Variants in SLC4A8 observed in about 807,000 individuals in gnomAD.
SLC4A8 encodes solute carrier family 4 member 8.
In SLC4A8, 40 loss-of-function variants were observed where a neutral mutation model predicts 125.0. The observed-to-expected ratio is 0.32, with a 90% CI of 0.25 to 0.42. The LOEUF is 0.42. SLC4A8 is among the 10% of genes least tolerant of loss of function. SLC4A8 has a pLI of 1.00. For missense variants in SLC4A8, 863 were observed against 1,355.1 expected, an observed-to-expected ratio of 0.64 and a Z score of 5.70; for synonymous variants, 456 against 476.0, an observed-to-expected ratio of 0.96 and a Z score of 0.55.
intron 22 of SLC4A8, 92 bp downstream of exon 22, chr12:51,497,216 G>T: frequency 8.2e-6 from 11 of 1,340,130 alleles, no homozygotes; most frequent in Non-Finnish European, 9.2e-6. Context: ...CTGGAATCCC[G>T]AGGGTTATAT....
intron 1 of SLC4A8, among the ~76,000 whole-genome samples, chr12:51,398,517 G>C (rs1014583304): frequency 6.6e-6 from 1 of 152,156 alleles, no homozygotes; most frequent in Non-Finnish European, 1.5e-5. Flanking sequence ...AGATTTTGCT[G>C]TGAGAGCTTT....
At chr12:51,487,145 G>A (rs937166252) in intron 17 of SLC4A8, among the ~76,000 whole-genome samples, 1 of 152,182 alleles carries the variant, frequency 6.6e-6, no homozygotes, top group African/African-American at 2.4e-5. Context: ...GGACAGGGGA[G>A]AAAGGGAAAC....
chr12:51,400,549 C>T (rs923185793), intron 1 of SLC4A8, among the ~76,000 whole-genome samples: 10 of 149,730 alleles, frequency 6.7e-5, no homozygotes, highest in African/African-American at 2.0e-4. Flanking sequence ...ACACAAAACA[C>T]ACTCTCAGTT....
chr12:51,511,438 G>A lies in SLC4A8; in HGVS notation c.*4000G>A, dbSNP rs1281773637. 1 of 152,224 alleles carries A rather than the reference G, an allele frequency of 6.6e-6. No homozygotes were observed. The highest frequency in any genetic ancestry group is 1.9e-4 in the East Asian group (1 of 5,194). 9.4% of individuals were successfully genotyped at this position (152,224 alleles called of 1,614,324 possible). A position where few individuals can be genotyped will look rare whatever the true frequency, so the allele number is the denominator to read the frequency against. ...AAAGTCTCACTCTGTCGCCCAGGCT[G>A]GAGTGCAGTGGTGCGATCTCATCTC... On this transcript the variant is annotated 3_prime_UTR_variant, in exon 25 of 25. Transcript: ENST00000453097.
At chr12:51,423,222 A>G (rs1948832518), upstream of SLC4A8, among the ~76,000 whole-genome samples, 1 of 152,242 alleles carries the variant, frequency 6.6e-6, no homozygotes, top group South Asian at 2.1e-4. Flanking sequence ...AAGTACTTAA[A>G]TAACCACAGC....
intron 19 of SLC4A8, among the ~76,000 whole-genome samples, chr12:51,491,777 A>ACACCC (rs1555198712): frequency 1.3e-5 from 2 of 149,926 alleles, no homozygotes; most frequent in African/African-American, 4.9e-5. Flanking sequence ...ACACACACAC[A>ACACCC]CCCCTCTTTA....
chr12:51,433,139 C>T (rs1949253171), intron 1 of SLC4A8, among the ~76,000 whole-genome samples: 1 of 152,162 alleles, frequency 6.6e-6, no homozygotes, highest in Non-Finnish European at 1.5e-5. Flanking sequence ...TTTTAATTTC[C>T]ATTTACTGTA....
intron 11 of SLC4A8, among the ~76,000 whole-genome samples, chr12:51,466,812 A>G (rs1950531036): frequency 6.6e-6 from 1 of 152,178 alleles, no homozygotes; most frequent in African/African-American, 2.4e-5. Context: ...AGACAGACAG[A>G]TGTCTTCCCT....
chr12:51,481,137 G>GA, intron 16 of SLC4A8, among the ~76,000 whole-genome samples: 1 of 152,198 alleles, frequency 6.6e-6, no homozygotes. Flanking sequence ...TGTGAAATGT[G>GA]AGGGACCATT....
intron 1 of SLC4A8, among the ~76,000 whole-genome samples, chr12:51,395,771 G>A (rs1415177856): frequency 1.3e-5 from 2 of 151,774 alleles, no homozygotes; most frequent in African/African-American, 2.4e-5. Flanking sequence ...GGGAAACAAC[G>A]GAGTCTCCCA....
At chr12:51,407,166 T>A (rs190625391) in intron 1 of SLC4A8, among the ~76,000 whole-genome samples, 2 of 152,348 alleles carry the variant, frequency 1.3e-5, no homozygotes, top group East Asian at 3.9e-4. Flanking sequence ...GCAACCTGAC[T>A]GACGGGAGGA....
chr12:51,493,671 A>T (rs747628221), intron 19 of SLC4A8, 33 bp from the exon 20 acceptor site: 1 of 1,454,830 alleles, frequency 6.9e-7, no homozygotes, highest in Non-Finnish European at 9.7e-7. Flanking sequence ...TACCAAATTT[A>T]ATTTCTGGCC....
At chr12:51,486,901 G>A (rs1322497790) in intron 17 of SLC4A8, among the ~76,000 whole-genome samples, 1 of 152,222 alleles carries the variant, frequency 6.6e-6, no homozygotes, top group East Asian at 1.9e-4. Context: ...AATCCCTCTT[G>A]TAAGTATAAT....
At chr12:51,400,780 A>G (rs1948369277) in intron 1 of SLC4A8, among the ~76,000 whole-genome samples, 33 of 1,650 alleles carry the variant, frequency 0.02, 2 homozygotes, top group Non-Finnish European at 0.037. Context: ...ATATATATAC[A>G]TACATACACA....
intron 16 of SLC4A8, chr12:51,480,454 A>G: frequency 9.1e-7 from 1 of 1,101,262 alleles, no homozygotes; most frequent in Non-Finnish European, 1.1e-6. Flanking sequence ...ACTGATTATC[A>G]GCTTGTTAGG....
intron 14 of SLC4A8, 96 bp downstream of exon 14, chr12:51,471,628 A>G: frequency 1.4e-6 from 2 of 1,385,698 alleles, no homozygotes; most frequent in African/African-American, 2.9e-5. Context: ...GCTTCTGGTC[A>G]AGAAGTGTCT....
At chr12:51,458,475 G>T (rs945105067) in intron 6 of SLC4A8, 84 bp from the exon 7 acceptor site, 6 of 937,986 alleles carry the variant, frequency 6.4e-6, no homozygotes, top group South Asian at 1.4e-5. Context: ...GCAGGAGAAG[G>T]CAGAACCAAC....
In SLC4A8 at chr12:51,509,230, A is replaced by G. The variant is rs957962546; in HGVS notation, c.*1792A>G. 3.9e-5 allele frequency: 6 copies of G among 152,594 alleles called. No homozygotes were observed. The highest frequency in any genetic ancestry group is 1.4e-4 in the African/African-American group (6 of 41,434). 9.5% of individuals were successfully genotyped at this position (152,594 alleles called of 1,614,324 possible). On this transcript the variant is annotated 3_prime_UTR_variant, in exon 25 of 25. Coordinates refer to ENST00000453097, the MANE Select transcript of SLC4A8 (RefSeq NM_001039960.3). ...TCCTGGTTTGTCTCATTTCTATCAC[A>G]AGGCTGTTTTGGGCACAGCCTTAGC...
chr12:51,441,209 A>G (rs1280011724), intron 2 of SLC4A8: 5 of 982,284 alleles, frequency 5.1e-6, no homozygotes, highest in Admixed American at 1.2e-4. Context: ...TTTTTACCCC[A>G]TTTCCAATAT....
Sources: allele counts gnomAD v4.1 joint callset (sites outside exome capture counted in the v4.1 genomes callset), GRCh38; gene constraint gnomAD v4.1.1; transcripts MANE v1.5; gene names NCBI Gene and HGNC (gene_info 2026-07-23, HGNC 2026-07-21).